FBXW11: variants seen among roughly 807,000 people sequenced by gnomAD.
FBXW11 encodes the protein F-box and WD repeat domain containing 11.
Under a neutral mutation model 77.6 loss-of-function variants are expected in FBXW11, and 19 were observed. That is an observed-to-expected ratio of 0.24 (90% CI 0.17 to 0.36). The LOEUF is 0.36. FBXW11 is among the 10% of genes least tolerant of loss of function. The pLI, the probability that FBXW11 is intolerant of heterozygous loss-of-function variation, is 1.00. For missense variants in FBXW11, 334 were observed against 704.2 expected (o/e 0.47, Z 5.95); for synonymous variants, 235 against 249.4 (o/e 0.94, Z 0.54).
intron 1 of FBXW11, among the ~76,000 whole-genome samples, chr5:171,976,026 T>TA (rs1362460298): frequency 6.6e-6 from 1 of 152,046 alleles, no homozygotes; most frequent in Non-Finnish European, 1.5e-5. Context: ...ATCAACCTAT[T>TA]AATCACTAAA....
chr5:171,944,450 C>CT (rs1346551073), intron 2 of FBXW11, among the ~76,000 whole-genome samples: 9 of 151,532 alleles, frequency 5.9e-5, no homozygotes, highest in Non-Finnish European at 1.0e-4. Flanking sequence ...TGGCGGGCGC[C>CT]TGTAGTCCCA....
At chr5:171,902,543 C>A (rs1051564945) in intron 4 of FBXW11, among the ~76,000 whole-genome samples, 3 of 152,156 alleles carry the variant, frequency 2.0e-5, no homozygotes, top group Admixed American at 2.0e-4. Context: ...TCTAAGAATT[C>A]TGCTAAAGCA....
At position 171,878,034 on chromosome 5, in the gene FBXW11, A is replaced by G. The variant is rs10475991; in HGVS notation, c.948T>C (p.Thr316=). 30,337 of 1,613,324 alleles carry G rather than the reference A, an allele frequency of 0.019. 4,404 individuals are homozygous for G. In the African/African-American group the frequency reaches 0.34, roughly 18 times the overall value. Residue 316 remains threonine, a synonymous_variant, in exon 8 of 14, where the codon ACT becomes ACC. Coordinates refer to ENST00000517395, the MANE Select transcript of FBXW11 (RefSeq NM_001378974.1). ...ACCTCACCGTAGAATCTGAAGAGCCAGTTACAATGACACGCTCATCATACT... is the reference window on the plus strand; with the variant it reads ...ACCTCACCGTAGAATCTGAAGAGCCGGTTACAATGACACGCTCATCATACT... ...CLQYDERVIV[T]GSSDSTVRVW... is the part of the protein sequence containing the mutation.
intron 3 of FBXW11, among the ~76,000 whole-genome samples, chr5:171,911,275 G>C (rs1421624966): frequency 6.6e-6 from 1 of 152,174 alleles, no homozygotes. Flanking sequence ...ACTTGAGCTA[G>C]CATCAGAATA....
At chr5:171,870,658 C>T in intron 11 of FBXW11, 90 bp downstream of exon 11, 2 of 918,790 alleles carry the variant, frequency 2.2e-6, no homozygotes, top group Non-Finnish European at 3.5e-6. Flanking sequence ...TACCATAGGA[C>T]CTGGTACATA....
At chr5:171,952,616 C>T (rs909815488) in intron 2 of FBXW11, among the ~76,000 whole-genome samples, 5 of 149,572 alleles carry the variant, frequency 3.3e-5, no homozygotes, top group African/African-American at 1.2e-4. Context: ...TCATGCCCAG[C>T]TACTTTTTGT....
At chr5:172,002,696 CTTTTTTTTTTT>C (rs34300477) in intron 1 of FBXW11, among the ~76,000 whole-genome samples, 144 of 97,052 alleles carry the variant, frequency 1.5e-3, no homozygotes, top group African/African-American at 6.5e-3. Flanking sequence ...TTTTTCTTTT[CTTTTTTTTTTT>C]TTTTTTTTTT....
intron 1 of FBXW11, chr5:171,997,175 C>A (rs967472692): frequency 7.0e-6 from 5 of 715,554 alleles, no homozygotes; most frequent in Admixed American, 2.8e-5. Context: ...AAAGTTATAA[C>A]CCCTGAGTCA....
intron 1 of FBXW11, among the ~76,000 whole-genome samples, chr5:171,967,738 T>C (rs1581043142): frequency 6.7e-6 from 1 of 149,254 alleles, no homozygotes; most frequent in African/African-American, 2.5e-5. Context: ...ACTCAGGAGG[T>C]TGAGGCAGGA....
intron 6 of FBXW11, among the ~76,000 whole-genome samples, chr5:171,892,855 A>G (rs1049240671): frequency 3.3e-5 from 5 of 152,202 alleles, no homozygotes; most frequent in African/African-American, 1.2e-4. Flanking sequence ...GTAGCTAATT[A>G]TTTCTGTACA....
intron 10 of FBXW11, 95 bp downstream of exon 10, chr5:171,872,777 T>C (rs1320784819): frequency 1.1e-6 from 1 of 874,066 alleles, no homozygotes; most frequent in Admixed American, 2.0e-5. Context: ...AAACATCCCA[T>C]TTACCCTGAG....
intron 2 of FBXW11, among the ~76,000 whole-genome samples, chr5:171,919,334 T>C (rs546348738): frequency 2.2e-4 from 34 of 152,160 alleles, no homozygotes; most frequent in African/African-American, 7.0e-4. Flanking sequence ...TATGGCAAAA[T>C]GATGCAGCCC....
intron 2 of FBXW11, among the ~76,000 whole-genome samples, chr5:171,952,060 G>A (rs1763348477): frequency 6.6e-6 from 1 of 152,074 alleles, no homozygotes; most frequent in Non-Finnish European, 1.5e-5. Flanking sequence ...GCCATTCTAA[G>A]TGAGATCGAA....
intron 9 of FBXW11, 118 bp from the exon 10 acceptor site, chr5:171,873,108 G>A (rs895233446): frequency 1.8e-5 from 15 of 831,068 alleles, no homozygotes; most frequent in South Asian, 3.5e-5. Context: ...TATAAAATAC[G>A]GTGTCCTCTA....
At chr5:171,932,314 G>A (rs1398205133) in intron 2 of FBXW11, among the ~76,000 whole-genome samples, 1 of 152,134 alleles carries the variant, frequency 6.6e-6, no homozygotes, top group African/African-American at 2.4e-5. Flanking sequence ...CTCTTCATAA[G>A]TCATCAGGTA....
At chr5:171,915,784 A>G (rs1344605754) in intron 2 of FBXW11, among the ~76,000 whole-genome samples, 1 of 152,122 alleles carries the variant, frequency 6.6e-6, no homozygotes, top group Non-Finnish European at 1.5e-5. Context: ...TCCGATTTGA[A>G]GATGCTACTT....
chr5:171,890,214 C>G (rs1033164139), intron 7 of FBXW11, among the ~76,000 whole-genome samples: 3 of 152,040 alleles, frequency 2.0e-5, no homozygotes, highest in East Asian at 3.9e-4. Flanking sequence ...TGATCAAGGG[C>G]TGACAAGGAT....
At chr5:171,955,122 A>C (rs893090470) in intron 2 of FBXW11, among the ~76,000 whole-genome samples, 1 of 152,228 alleles carries the variant, frequency 6.6e-6, no homozygotes, top group Admixed American at 6.5e-5. Flanking sequence ...TAAGTCTCTG[A>C]TACCTGTTTT....
At chr5:171,945,983 A>C (rs1762988466) in intron 2 of FBXW11, among the ~76,000 whole-genome samples, 3 of 152,222 alleles carry the variant, frequency 2.0e-5, no homozygotes, top group Admixed American at 1.3e-4. Flanking sequence ...CTAATCTATT[A>C]GCAGATATTG....
Sources: allele counts gnomAD v4.1 joint callset (sites outside exome capture counted in the v4.1 genomes callset), GRCh38; gene constraint gnomAD v4.1.1; transcripts MANE v1.5; gene names NCBI Gene and HGNC (gene_info 2026-07-23, HGNC 2026-07-21).